Variants in CDK6 observed in about 807,000 individuals in gnomAD.
CDK6 encodes cyclin dependent kinase 6, also known as cyclin-dependent kinase 6.
CDK6 carries 6 observed loss-of-function variants against 37.1 expected under a neutral mutation model. That is an observed-to-expected ratio of 0.16 (90% CI 0.09 to 0.32). CDK6 has a LOEUF of 0.32. Among genes scored for constraint, CDK6 ranks in the 10% least tolerant of loss-of-function variants. The pLI is 1.00. For synonymous variants in CDK6, 160 were observed against 161.3 expected (o/e 0.99, Z 0.06); for missense variants, 224 against 418.9 (o/e 0.53, Z 4.06).
chr7:92,665,242 A>AT (rs1796930398), intron 5 of CDK6, among the ~76,000 whole-genome samples: 1 of 151,844 alleles, frequency 6.6e-6, no homozygotes, highest in Admixed American at 6.6e-5. Context: ...GTATAGTTAA[A>AT]AATCAATCTA....
intron 2 of CDK6, among the ~76,000 whole-genome samples, chr7:92,789,956 C>G (rs962834577): frequency 6.6e-6 from 1 of 152,148 alleles, no homozygotes; most frequent in African/African-American, 2.4e-5. Context: ...TTCTCTTCTT[C>G]CCCAATGTAC....
chr7:92,649,375 T>TG (rs1262632193), intron 5 of CDK6, among the ~76,000 whole-genome samples: 1 of 152,102 alleles, frequency 6.6e-6, no homozygotes, highest in African/African-American at 2.4e-5. Flanking sequence ...ACCAGTGAAG[T>TG]GGGGACAGAA....
chr7:92,700,481 A>G (rs748963683), intron 4 of CDK6, among the ~76,000 whole-genome samples: 34 of 152,244 alleles, frequency 2.2e-4, no homozygotes, highest in Non-Finnish European at 4.1e-4. Context: ...AACTGAATCT[A>G]GGATAAGTCC....
At chr7:92,797,058 G>A (rs777714878) in intron 2 of CDK6, among the ~76,000 whole-genome samples, 10 of 152,096 alleles carry the variant, frequency 6.6e-5, no homozygotes, top group South Asian at 2.1e-4. Flanking sequence ...ACAACTAAAC[G>A]GTACTTTTAC....
chr7:92,712,836 A>T (rs1157648026), intron 4 of CDK6, among the ~76,000 whole-genome samples: 1 of 110,046 alleles, frequency 9.1e-6, no homozygotes, highest in Non-Finnish European at 2.0e-5. Flanking sequence ...CATTAATCCT[A>T]TGTATGTATG....
intron 2 of CDK6, among the ~76,000 whole-genome samples, chr7:92,807,155 T>G (rs1200355615): frequency 1.3e-5 from 2 of 152,200 alleles, no homozygotes; most frequent in Non-Finnish European, 2.9e-5. Context: ...TCCAGAAGTT[T>G]TTGCCATATG....
At chr7:92,726,393 T>A (rs1313971974) in intron 3 of CDK6, among the ~76,000 whole-genome samples, 4 of 152,176 alleles carry the variant, frequency 2.6e-5, no homozygotes, top group Non-Finnish European at 4.4e-5. Context: ...AAAGTCATAC[T>A]AGCAAGAGAG....
At chr7:92,748,439 T>C (rs1799110933) in intron 3 of CDK6, among the ~76,000 whole-genome samples, 1 of 152,196 alleles carries the variant, frequency 6.6e-6, no homozygotes, top group Non-Finnish European at 1.5e-5. Context: ...TATAGTTCTA[T>C]GATCAGTTGA....
intron 2 of CDK6, among the ~76,000 whole-genome samples, chr7:92,781,781 G>A (rs1562963774): frequency 2.0e-5 from 3 of 152,104 alleles, no homozygotes; most frequent in Non-Finnish European, 4.4e-5. Context: ...AATTCTGCTT[G>A]AACTAGAGCC....
At chr7:92,736,496 A>G (rs1798790433) in intron 3 of CDK6, among the ~76,000 whole-genome samples, 1 of 152,156 alleles carries the variant, frequency 6.6e-6, no homozygotes, top group African/African-American at 2.4e-5. Context: ...CCAAGGAGGG[A>G]GCAGCATCTA....
chr7:92,765,405 A>T (rs1392641527), intron 3 of CDK6, among the ~76,000 whole-genome samples: 1 of 152,164 alleles, frequency 6.6e-6, no homozygotes, highest in Non-Finnish European at 1.5e-5. Flanking sequence ...ACTATTTCTA[A>T]ACCAAGCTAT....
chr7:92,622,378 G>A (rs1251177227), intron 6 of CDK6, among the ~76,000 whole-genome samples: 1 of 152,072 alleles, frequency 6.6e-6, no homozygotes, highest in Non-Finnish European at 1.5e-5. Flanking sequence ...ATGAAGTTAA[G>A]GAAATAAAAG....
chr7:92,766,556 T>C (rs1434155139), intron 3 of CDK6, among the ~76,000 whole-genome samples: 1 of 152,116 alleles, frequency 6.6e-6, no homozygotes, highest in Non-Finnish European at 1.5e-5. Flanking sequence ...ATGACATCAC[T>C]TGATTAGAAA....
At chr7:92,774,570 T>A (rs943152172) in intron 3 of CDK6, 126 bp downstream of exon 3, 10 of 804,630 alleles carry the variant, frequency 1.2e-5, no homozygotes, top group Non-Finnish European at 1.7e-5. Flanking sequence ...TTTTCTTTGA[T>A]TTTTTTAACT....
chr7:92,698,428 C>T (rs1418823500), intron 4 of CDK6, among the ~76,000 whole-genome samples: 1 of 152,156 alleles, frequency 6.6e-6, no homozygotes, highest in Admixed American at 6.5e-5. Context: ...CTGATATATG[C>T]TGTAATTTTT....
chr7:92,685,473 T>C (rs897290502), intron 4 of CDK6, among the ~76,000 whole-genome samples: 1 of 152,226 alleles, frequency 6.6e-6, no homozygotes, highest in African/African-American at 2.4e-5. Context: ...AGAAACGCTA[T>C]ATTTCCATTT....
intron 5 of CDK6, among the ~76,000 whole-genome samples, chr7:92,627,686 T>C (rs898273094): frequency 2.6e-5 from 4 of 151,934 alleles, no homozygotes; most frequent in African/African-American, 9.7e-5. Flanking sequence ...TTTGGGGAGA[T>C]AAAAATGTTC....
intron 2 of CDK6, among the ~76,000 whole-genome samples, chr7:92,830,994 C>T (rs1562979002): frequency 6.6e-6 from 1 of 152,212 alleles, no homozygotes; most frequent in East Asian, 1.9e-4. Flanking sequence ...CTTTAGATAT[C>T]TGAAGTACTT....
chr7:92,719,585 A>G (rs1449373708), intron 4 of CDK6, among the ~76,000 whole-genome samples: 1 of 152,202 alleles, frequency 6.6e-6, no homozygotes, highest in African/African-American at 2.4e-5. Flanking sequence ...TTAAGTCACT[A>G]AAAAGATGGG....
Sources: gnomAD v4.1 joint callset for allele counts (sites outside exome capture counted in the v4.1 genomes callset) on GRCh38, gnomAD v4.1.1 for gene constraint, MANE v1.5 for transcripts, NCBI Gene and HGNC (gene_info 2026-07-23, HGNC 2026-07-21) for gene names.